The following FBN1 variants were observed in gnomAD, a reference collection of about 807,000 sequenced individuals.
The protein encoded by FBN1 is fibrillin 1.
A neutral mutation model predicts 365.1 loss-of-function variants in FBN1; 29 were observed. That is an observed-to-expected ratio of 0.08 (90% CI 0.06 to 0.11). The LOEUF is 0.11. FBN1 is among the 10% of genes least tolerant of loss of function. The probability of loss-of-function intolerance (pLI) is 1.00; values close to 1 mark genes in which losing one functional copy is unlikely to be tolerated. For missense variants in FBN1, 2,476 were observed against 3,703.2 expected (o/e 0.67, Z 8.60); for synonymous variants, 1,210 against 1,270.5 (o/e 0.95, Z 1.01).
Position 48,472,618 on chromosome 15 carries a change from T to A in FBN1, c.4269A>T (p.Ala1423=), listed in dbSNP as rs775256810. Residue 1423 remains alanine (A), a synonymous_variant, in exon 35 of 66, where the codon GCA becomes GCT. Coordinates refer to ENST00000316623, the MANE Select transcript of FBN1 (RefSeq NM_000138.5). ...NLCGNGQCLN[A]PGGYRCECDM... is the part of the protein sequence containing the mutation. Reference sequence around the variant, plus strand: ...CGCATTCACAGCGGTATCCTCCTGGTGCATTGAGGCACTGGCCATTGCCAC... The same window carrying A: ...CGCATTCACAGCGGTATCCTCCTGGAGCATTGAGGCACTGGCCATTGCCAC... 1.2e-6 allele frequency: 2 copies of A among 1,614,204 alleles called. No homozygotes were observed. The highest frequency in any genetic ancestry group is 1.1e-5 in the South Asian group (1 of 91,088).
At chr15:48,422,465 A>C (rs922615485) in intron 60 of FBN1, among the ~76,000 whole-genome samples, 1 of 152,236 alleles carries the variant, frequency 6.6e-6, no homozygotes, top group Non-Finnish European at 1.5e-5. Flanking sequence ...AAACATAAAG[A>C]GAAATGTTGA....
intron 49 of FBN1, among the ~76,000 whole-genome samples, chr15:48,443,872 G>T (rs1488278545): frequency 6.6e-6 from 1 of 151,950 alleles, no homozygotes; most frequent in Non-Finnish European, 1.5e-5. Flanking sequence ...TCTCTACAAA[G>T]AATTAAAAAA....
At chr15:48,507,512 G>C (rs2043720188) in intron 15 of FBN1, among the ~76,000 whole-genome samples, 1 of 152,128 alleles carries the variant, frequency 6.6e-6, no homozygotes, top group South Asian at 2.1e-4. Context: ...ACAATATTAA[G>C]AGCCATTGAT....
intron 6 of FBN1, among the ~76,000 whole-genome samples, chr15:48,594,660 C>T (rs1158879584): frequency 6.6e-6 from 1 of 152,166 alleles, no homozygotes; most frequent in Non-Finnish European, 1.5e-5. Flanking sequence ...TTATTTTAGA[C>T]TGTGTTATCA....
intron 2 of FBN1, among the ~76,000 whole-genome samples, chr15:48,637,013 A>G (rs989152080): frequency 2.6e-5 from 4 of 152,208 alleles, no homozygotes; most frequent in African/African-American, 9.6e-5. Flanking sequence ...TGGTGCTACA[A>G]TGACTTCGTG....
intron 40 of FBN1, among the ~76,000 whole-genome samples, chr15:48,464,497 C>T (rs1167024054): frequency 2.0e-5 from 3 of 152,082 alleles, no homozygotes; most frequent in African/African-American, 7.2e-5. Flanking sequence ...GCCTGGGCAA[C>T]AGAGCAAGAC....
chr15:48,607,938 G>C (rs954624412), intron 4 of FBN1, among the ~76,000 whole-genome samples: 1 of 152,180 alleles, frequency 6.6e-6, no homozygotes, highest in African/African-American at 2.4e-5. Context: ...GTCCTAAAGA[G>C]GGCTGGAATT....
chr15:48,601,556 C>T (rs1597626560), intron 4 of FBN1, among the ~76,000 whole-genome samples: 1 of 152,330 alleles, frequency 6.6e-6, no homozygotes, highest in African/African-American at 2.4e-5. Context: ...TATGCTCACT[C>T]TTCCTGAAGC....
intron 8 of FBN1, among the ~76,000 whole-genome samples, chr15:48,530,541 T>C (rs1277496574): frequency 6.6e-6 from 1 of 151,808 alleles, no homozygotes. Context: ...TCCAGGGCTC[T>C]TTGACCTTCA....
intron 9 of FBN1, among the ~76,000 whole-genome samples, chr15:48,523,926 T>G (rs1042119599): frequency 1.3e-5 from 2 of 152,192 alleles, no homozygotes; most frequent in African/African-American, 4.8e-5. Context: ...TTGAATCACT[T>G]GGCCCTTATT....
chr15:48,571,868 A>T (rs1292503128), intron 6 of FBN1, among the ~76,000 whole-genome samples: 1 of 152,250 alleles, frequency 6.6e-6, no homozygotes, highest in Non-Finnish European at 1.5e-5. Flanking sequence ...TGCTTAAAAA[A>T]TGAAAACACA....
intron 2 of FBN1, among the ~76,000 whole-genome samples, chr15:48,615,115 T>C (rs1482825931): frequency 6.6e-6 from 1 of 152,102 alleles, no homozygotes; most frequent in Non-Finnish European, 1.5e-5. Flanking sequence ...GTTCTCTCAA[T>C]TTGAAATGAC....
chr15:48,528,626 A>T (rs940036925), intron 8 of FBN1, among the ~76,000 whole-genome samples: 13 of 152,132 alleles, frequency 8.5e-5, no homozygotes, highest in African/African-American at 3.1e-4. Flanking sequence ...GGGTGTGGGG[A>T]GTTTCCACCT....
intron 6 of FBN1, among the ~76,000 whole-genome samples, chr15:48,596,002 G>A (rs2044512453): frequency 6.6e-6 from 1 of 152,166 alleles, no homozygotes; most frequent in Non-Finnish European, 1.5e-5. Context: ...TTTTTATCCT[G>A]ATGCCAACTG....
intron 32 of FBN1, among the ~76,000 whole-genome samples, chr15:48,479,963 TG>T (rs1449178289): frequency 1.3e-5 from 2 of 152,200 alleles, no homozygotes; most frequent in African/African-American, 4.8e-5. Flanking sequence ...ACTGTGTCTA[TG>T]TTTCATTTGA....
At chr15:48,607,651 T>A (rs1302565406) in intron 4 of FBN1, among the ~76,000 whole-genome samples, 1 of 152,090 alleles carries the variant, frequency 6.6e-6, no homozygotes, top group East Asian at 1.9e-4. Context: ...ATCTTGGACT[T>A]CCCAGCCTCT....
At position 48,501,675 on chromosome 15, in the gene FBN1, C is replaced by T. The variant is rs886647974; in HGVS notation, c.2113+2112G>A. Among the ~76,000 whole-genome samples the T allele has an allele frequency of 2.6e-5, 4 of 152,124 alleles. No individual in the cohort carries two copies. The East Asian group carries it at 7.7e-4, about 29-fold the overall frequency. Reference sequence around the variant, plus strand: ...ATACAAAGGCAAATAACTATATGCACCAAGGTTCCTGGATTCTAAATCTTG... The same window carrying T: ...ATACAAAGGCAAATAACTATATGCATCAAGGTTCCTGGATTCTAAATCTTG... On this transcript the variant is annotated intron_variant, in intron 17 of 65. Transcript: ENST00000316623.
intron 2 of FBN1, among the ~76,000 whole-genome samples, chr15:48,632,635 C>T (rs1597645103): frequency 2.0e-5 from 3 of 152,168 alleles, no homozygotes; most frequent in Admixed American, 2.0e-4. Flanking sequence ...TATTAGTGAT[C>T]ATTGAAAATG....
chr15:48,630,135 G>A (rs1889957555), intron 2 of FBN1, among the ~76,000 whole-genome samples: 1 of 152,070 alleles, frequency 6.6e-6, no homozygotes, highest in African/African-American at 2.4e-5. Flanking sequence ...GATCCCCTTG[G>A]GCATCACAGG....
Sources: allele counts gnomAD v4.1 joint callset (sites outside exome capture counted in the v4.1 genomes callset), GRCh38; gene constraint gnomAD v4.1.1; transcripts MANE v1.5; gene names NCBI Gene and HGNC (gene_info 2026-07-23, HGNC 2026-07-21).